The following PBX3 variants were observed in gnomAD, a reference collection of about 807,000 sequenced individuals.
PBX3 encodes the protein pre-B-cell leukemia transcription factor 3.
In PBX3, 14 loss-of-function variants were observed where a neutral mutation model predicts 48.5. The observed-to-expected ratio is 0.29, with a 90% CI of 0.19 to 0.45. The LOEUF (loss-of-function observed/expected upper bound fraction) is 0.45, where lower values mean the gene tolerates loss of function less well. Ranked by LOEUF, PBX3 falls within the 20% of genes least tolerant of loss-of-function variation. The pLI, the probability that PBX3 is intolerant of heterozygous loss-of-function variation, is 1.00. For synonymous variants in PBX3, 210 were observed against 200.3 expected, an observed-to-expected ratio of 1.05 and a Z score of -0.41; for missense variants, 386 against 546.7, an observed-to-expected ratio of 0.71 and a Z score of 2.93.
intron 4 of PBX3, among the ~76,000 whole-genome samples, chr9:125,931,279 A>G (rs1841708111): frequency 6.6e-6 from 1 of 152,200 alleles, no homozygotes; most frequent in African/African-American, 2.4e-5. Context: ...TGAAGTTACC[A>G]AATGGATATA....
intron 2 of PBX3, among the ~76,000 whole-genome samples, chr9:125,798,852 CAA>C (rs1044963243): frequency 6.6e-6 from 1 of 151,518 alleles, no homozygotes; most frequent in African/African-American, 2.4e-5. Context: ...TCTTACAAAA[CAA>C]ACAAAAAACA....
At chr9:125,779,847 C>T (rs1367589370) in intron 2 of PBX3, among the ~76,000 whole-genome samples, 38 of 136,066 alleles carry the variant, frequency 2.8e-4, no homozygotes, top group African/African-American at 6.5e-4. Flanking sequence ...CGGGCAGAGG[C>T]GCCCCTCACC....
intron 5 of PBX3, among the ~76,000 whole-genome samples, chr9:125,950,582 C>G (rs1380321744): frequency 6.6e-6 from 1 of 151,880 alleles, no homozygotes; most frequent in African/African-American, 2.4e-5. Context: ...CAGGTTCTCC[C>G]ACAGTTCTCC....
chr9:125,939,232 C>T (rs1404509869), intron 5 of PBX3, among the ~76,000 whole-genome samples: 1 of 151,680 alleles, frequency 6.6e-6, no homozygotes, highest in Non-Finnish European at 1.5e-5. Context: ...GATTAAAATC[C>T]AAAATATATA....
At chr9:125,813,012 G>A (rs987492940) in intron 2 of PBX3, among the ~76,000 whole-genome samples, 3 of 152,046 alleles carry the variant, frequency 2.0e-5, no homozygotes, top group Non-Finnish European at 2.9e-5. Flanking sequence ...GCATACTACC[G>A]CACACTTTAT....
chr9:125,868,630 A>T (rs920960304), intron 2 of PBX3, among the ~76,000 whole-genome samples: 2 of 152,224 alleles, frequency 1.3e-5, no homozygotes, highest in African/African-American at 4.8e-5. Context: ...CAGCTTAAGA[A>T]ACAAAATCAG....
intron 2 of PBX3, 131 bp downstream of exon 2, chr9:125,748,754 C>G (rs1345359581): frequency 3.2e-6 from 2 of 616,230 alleles, no homozygotes; most frequent in Non-Finnish European, 2.9e-6. Context: ...CTTCCCACGT[C>G]CTGATCTTGA....
At chr9:125,857,021 T>C (rs371276141) in intron 2 of PBX3, among the ~76,000 whole-genome samples, 8 of 152,180 alleles carry the variant, frequency 5.3e-5, no homozygotes, top group African/African-American at 1.2e-4. Flanking sequence ...GAAGAAGATA[T>C]ACCTAGCTTA....
chr9:125,900,368 T>G (rs892769121), intron 2 of PBX3, among the ~76,000 whole-genome samples: 1 of 151,544 alleles, frequency 6.6e-6, no homozygotes, highest in Admixed American at 6.6e-5. Context: ...ATGTAGCCTG[T>G]GGGTATTTAA....
chr9:125,923,434 CTT>C (rs1322874548), intron 3 of PBX3, among the ~76,000 whole-genome samples: 1 of 152,190 alleles, frequency 6.6e-6, no homozygotes, highest in Non-Finnish European at 1.5e-5. Flanking sequence ...AGTTTTCAAA[CTT>C]TTCAGTCTTA....
intron 2 of PBX3, among the ~76,000 whole-genome samples, chr9:125,787,787 T>G (rs2132053729): frequency 6.6e-6 from 1 of 152,310 alleles, no homozygotes; most frequent in Middle Eastern, 3.4e-3. Flanking sequence ...GGAAGGTGAC[T>G]GGCGGAGTAA....
intron 2 of PBX3, among the ~76,000 whole-genome samples, chr9:125,858,191 C>T (rs1390468765): frequency 6.6e-6 from 1 of 152,090 alleles, no homozygotes; most frequent in Non-Finnish European, 1.5e-5. Context: ...TAGGGAGACC[C>T]CATCACTAGA....
At chr9:125,953,144 G>A (rs945123680) in intron 5 of PBX3, among the ~76,000 whole-genome samples, 2 of 151,958 alleles carry the variant, frequency 1.3e-5, no homozygotes, top group African/African-American at 4.8e-5. Flanking sequence ...ATACAAAGAT[G>A]TGCTATAAAT....
At chr9:125,780,653 A>C (rs1588139608) in intron 2 of PBX3, among the ~76,000 whole-genome samples, 2 of 109,346 alleles carry the variant, frequency 1.8e-5, no homozygotes, top group Non-Finnish European at 3.7e-5. Context: ...TGACCCCCCC[A>C]CCTCCCTCCC....
At position 125,907,719 on chromosome 9, in the gene PBX3, T is replaced by TAA. The variant is rs560338948; in HGVS notation, c.275-7966_275-7965insAA. Reference sequence around the variant, plus strand: ...CTCCAGTATTGTAATTTATTTGTGTTATAGTTGCAAAGTGAATTTAAAATC... The same window carrying TAA: ...CTCCAGTATTGTAATTTATTTGTGTTAAATAGTTGCAAAGTGAATTTAAAATC... On this transcript the variant is annotated intron_variant, in intron 2 of 8. Coordinates refer to ENST00000373489, the MANE Select transcript of PBX3 (RefSeq NM_006195.6). 1.2e-4 allele frequency among the ~76,000 whole-genome samples: 19 copies of TAA among 152,226 alleles called. No individual in the cohort carries two copies. The East Asian group carries it at 3.7e-3, about 29-fold the overall frequency.
intron 2 of PBX3, among the ~76,000 whole-genome samples, chr9:125,893,387 T>G (rs896361012): frequency 1.3e-5 from 2 of 152,198 alleles, no homozygotes; most frequent in Non-Finnish European, 2.9e-5. Context: ...TTCTTAGGGG[T>G]TCTTGAGTTG....
chr9:125,784,510 A>C (rs549040326), intron 2 of PBX3, among the ~76,000 whole-genome samples: 101 of 152,298 alleles, frequency 6.6e-4, no homozygotes, highest in Middle Eastern at 3.4e-3. Context: ...GATTCTTCTC[A>C]TTCCTCAGAG....
At chr9:125,812,242 A>T (rs921246173) in intron 2 of PBX3, among the ~76,000 whole-genome samples, 1 of 152,204 alleles carries the variant, frequency 6.6e-6, no homozygotes, top group Non-Finnish European at 1.5e-5. Context: ...TCTAAATATC[A>T]TATTGGGAAT....
At chr9:125,886,665 CT>C (rs1422435290) in intron 2 of PBX3, among the ~76,000 whole-genome samples, 1 of 151,964 alleles carries the variant, frequency 6.6e-6, no homozygotes, top group Non-Finnish European at 1.5e-5. Context: ...TATTTTTTCC[CT>C]TTTCTCATTA....
Sources: gnomAD v4.1 joint callset for allele counts (sites outside exome capture counted in the v4.1 genomes callset) on GRCh38, gnomAD v4.1.1 for gene constraint, MANE v1.5 for transcripts, NCBI Gene and HGNC (gene_info 2026-07-23, HGNC 2026-07-21) for gene names.